The following FNTB variants were observed in gnomAD, a reference collection of about 807,000 sequenced individuals.
FNTB encodes the protein farnesyltransferase, CAAX box, subunit beta, also known as protein farnesyltransferase subunit beta.
Under a neutral mutation model 59.4 loss-of-function variants are expected in FNTB, and 27 were observed. The ratio of observed to expected loss-of-function variants is 0.45; its 90% confidence interval spans 0.34 to 0.63. The LOEUF is 0.63. Among genes scored for constraint, FNTB ranks in the 20% least tolerant of loss-of-function variants. The pLI is 0.02. For synonymous variants in FNTB, 230 were observed against 220.7 expected (o/e 1.04, Z -0.37); for missense variants, 449 against 559.6 (o/e 0.80, Z 1.99).
In FNTB at chr14:65,009,870, G is replaced by A. The variant is rs1002943934; in HGVS notation, c.210-2447G>A. ...GCTGATCACAGCGTTTATTGGACAG[G>A]GCTCTGCTTGTCATTTTCACATGTG... On this transcript the variant is annotated intron_variant, in intron 2 of 11. Coordinates refer to ENST00000246166, the MANE Select transcript of FNTB (RefSeq NM_002028.4). This position sits in a 1 kb window ranked among gnomAD's most constrained non-coding sequence, Gnocchi z 4.2. Among the ~76,000 whole-genome samples the A allele has an allele frequency of 3.9e-5, 6 of 152,070 alleles. 1 individual carries two copies. Among genetic ancestry groups the A allele is most frequent in the Admixed American group, 3.3e-4 (5 of 15,252 alleles).
At chr14:65,037,402 CCTTTTTTTTTTTTTTTTTTTTT>C (rs538403751) in intron 7 of FNTB, among the ~76,000 whole-genome samples, 334 of 14,510 alleles carry the variant, frequency 0.023, 58 homozygotes, top group East Asian at 0.2. Context: ...CACGCCGGGC[CCTTTTTTTTTTTTTTTTTTTTT>C]TTTTTTTTTT....
rs1040672120 is a variant in FNTB, at chr14:65,001,710, T to C, written c.145-2539T>C. Among the ~76,000 whole-genome samples the C allele has an allele frequency of 7.2e-5, 11 of 152,350 alleles. No individual in the cohort carries two copies. The highest frequency in any genetic ancestry group is 6.5e-4 in the Admixed American group (10 of 15,298). The stretch of plus-strand genomic sequence containing the variant: ...ATTTAATGATCTTACCAATTTCTTA[T>C]ATATTTTTCTATCCCATTCAGCTTA... On this transcript the variant is annotated intron_variant, in intron 1 of 11. Transcript: ENST00000246166. This position sits in a 1 kb window ranked among gnomAD's most constrained non-coding sequence, Gnocchi z 5.5.
chr14:65,010,807 C>T lies in FNTB; in HGVS notation c.210-1510C>T, dbSNP rs118148980. ...TCCTGCTTTCCTCCCATTCCTCTTT[C>T]ATCCCTGTATTGAGGTCAGATTCTC... On this transcript the variant is annotated intron_variant, in intron 2 of 11. Coordinates refer to ENST00000246166, the MANE Select transcript of FNTB (RefSeq NM_002028.4). Among the ~76,000 whole-genome samples, 1,396 of 152,288 alleles carry T rather than the reference C, an allele frequency of 9.2e-3. 23 individuals carry two copies. The highest frequency in any genetic ancestry group is 0.02 in the Middle Eastern group (6 of 294).
In FNTB at chr14:65,032,806, C is replaced by T; in HGVS notation, c.692+110C>T. On this transcript the variant is annotated intron_variant, in intron 7 of 11. Coordinates refer to ENST00000246166, the MANE Select transcript of FNTB (RefSeq NM_002028.4). The surrounding 1 kb of genome is among the most constrained non-coding windows in gnomAD (Gnocchi z 5.0). ...GACTTGGAAGGAAATACAAAAATCA[C>T]AGGAGATCCATTAGGGTTATCTAAT... 2 of 1,027,040 alleles carry T rather than the reference C, an allele frequency of 1.9e-6. No homozygotes were observed. Among genetic ancestry groups the T allele is most frequent in the Non-Finnish European group, 2.8e-6 (2 of 727,266 alleles). 63.6% of individuals were successfully genotyped at this position (1,027,040 alleles called of 1,614,324 possible).
chr14:65,012,160 CT>C lies in FNTB; in HGVS notation c.210-156del. Reference sequence around the variant, plus strand: ...GAGCTTCTTTTCTCTGGTTTAGTTGCTCTTTGGAACCAGAGAAGTTGCTGGT... The same window carrying C: ...GAGCTTCTTTTCTCTGGTTTAGTTGCCTTTGGAACCAGAGAAGTTGCTGGT... On this transcript the variant is annotated intron_variant, in intron 2 of 11. Coordinates refer to ENST00000246166, the MANE Select transcript of FNTB (RefSeq NM_002028.4). The surrounding 1 kb of genome is among the most constrained non-coding windows in gnomAD (Gnocchi z 5.0). 1.3e-6 allele frequency: 1 copy of C among 776,632 alleles called. No homozygotes were observed. Among genetic ancestry groups the C allele is most frequent in the Non-Finnish European group, 2.1e-6 (1 of 486,878 alleles). The allele number at this position is 776,632 out of a possible 1,614,324, so 48.1% of individuals were successfully genotyped here. A position where few individuals can be genotyped will look rare whatever the true frequency, so the allele number is the denominator to read the frequency against.
chr14:65,050,107 A>C (rs2062574229), intron 9 of FNTB, among the ~76,000 whole-genome samples: 1 of 152,224 alleles, frequency 6.6e-6, no homozygotes, highest in Non-Finnish European at 1.5e-5. Context: ...AGTATAAGAA[A>C]AAGCTAGATT....
At chr14:64,987,135 T>C in intron 1 of FNTB, 38 bp downstream of exon 1, 20 of 1,612,520 alleles carry the variant, frequency 1.2e-5, no homozygotes, top group Non-Finnish European at 1.6e-5. Flanking sequence ...CCGCGCGATG[T>C]GTTCTGGGAG....
At chr14:65,015,860 A>G (rs548831190) in intron 4 of FNTB, 144 bp downstream of exon 4, 3 of 798,198 alleles carry the variant, frequency 3.8e-6, no homozygotes, top group African/African-American at 3.5e-5. Flanking sequence ...ACCTCCGGCA[A>G]CTTCCTGAAA....
rs1046124031 is a variant in FNTB at position 65,017,664 on chromosome 14, T to A, written c.374+1948T>A. The stretch of plus-strand genomic sequence containing the variant: ...GAGAATGTTTAAAAAAAATTTTTTT[T>A]AAATGTAAAGCTGGGTGTGGTGGCT... On this transcript the variant is annotated intron_variant, in intron 4 of 11. Transcript: ENST00000246166. Among the ~76,000 whole-genome samples the A allele has an allele frequency of 2.3e-4, 35 of 152,170 alleles. 1 individual carries two copies. The highest frequency in any genetic ancestry group is 2.1e-3 in the Admixed American group (32 of 15,262).
At chr14:65,053,625 T>TAAAAAAAAAAAAAA (rs201558638) in intron 10 of FNTB, among the ~76,000 whole-genome samples, 2 of 146,244 alleles carry the variant, frequency 1.4e-5, no homozygotes, top group Admixed American at 6.7e-5. Flanking sequence ...CTTCTTTTTT[T>TAAAAAAAAAAAAAA]TAAAAAAAAC....
rs1229025809 is a variant in FNTB at position 65,005,463 on chromosome 14, TTC to T, written c.209+1152_209+1153del. ...CTCTTCCTTTCTTTTCTTTCTTTCT[TTC>T]TTTCTTTCTTTCTTTCTTTCTTTCT... On this transcript the variant is annotated intron_variant, in intron 2 of 11. Transcript: ENST00000246166. Among the ~76,000 whole-genome samples, 186 of 127,344 alleles carry T rather than the reference TTC, an allele frequency of 1.5e-3. 1 individual carries two copies. Among genetic ancestry groups the T allele is most frequent in the Middle Eastern group, 7.1e-3 (2 of 280 alleles). 83.5% of individuals were successfully genotyped at this position (127,344 alleles called of 152,430 possible).
chr14:65,043,459 C>G lies in FNTB; in HGVS notation c.823-852C>G, dbSNP rs370162804. The stretch of plus-strand genomic sequence containing the variant: ...TGCTTTCAGGCCTGCTAGTGACTTG[C>G]TAAGAGACCTTGGGTAAATTTCCCC... On this transcript the variant is annotated intron_variant, in intron 8 of 11. Transcript: ENST00000246166. Among the ~76,000 whole-genome samples the G allele has an allele frequency of 2.4e-3, 365 of 152,246 alleles. 1 individual carries two copies. Among genetic ancestry groups the G allele is most frequent in the African/African-American group, 8.4e-3 (348 of 41,544 alleles).
At chr14:65,050,472 T>G (rs2062581851) in intron 9 of FNTB, among the ~76,000 whole-genome samples, 1 of 152,048 alleles carries the variant, frequency 6.6e-6, no homozygotes, top group African/African-American at 2.4e-5. Context: ...GTACCTGTAA[T>G]CCAAGGTACT....
At chr14:65,051,775 T>G (rs747102006) in intron 9 of FNTB, among the ~76,000 whole-genome samples, 5 of 151,968 alleles carry the variant, frequency 3.3e-5, no homozygotes, top group Non-Finnish European at 5.9e-5. Context: ...TACCATAAAC[T>G]TTTATAATTT....
rs1336681104 is a variant in FNTB, at chr14:65,014,911, A to G, written c.283-714A>G. ...GATACTATCAAATATTTGTTGAATC[A>G]GTGATTGAGTTAAGCTAGGAAATCT... On this transcript the variant is annotated intron_variant, in intron 3 of 11. Coordinates refer to ENST00000246166, the MANE Select transcript of FNTB (RefSeq NM_002028.4). This position sits in a 1 kb window ranked among gnomAD's most constrained non-coding sequence, Gnocchi z 5.1. 2.0e-5 allele frequency among the ~76,000 whole-genome samples: 3 copies of G among 152,098 alleles called. No individual in the cohort carries two copies. The highest frequency in any genetic ancestry group is 4.4e-5 in the Non-Finnish European group (3 of 67,998).
intron 8 of FNTB, among the ~76,000 whole-genome samples, chr14:65,042,800 C>T (rs1595079438): frequency 6.6e-6 from 1 of 152,190 alleles, no homozygotes; most frequent in Admixed American, 6.5e-5. Flanking sequence ...AATGAGGAAC[C>T]GACTCCCACT....
rs200225795 is a variant in FNTB at position 64,986,962 on chromosome 14, T to C, written c.9T>C (p.Ser3=). The C allele has an allele frequency of 2.5e-6, 4 of 1,614,126 alleles. No homozygotes were observed. The highest frequency in any genetic ancestry group is 3.4e-6 in the Non-Finnish European group (4 of 1,180,044). ...CTGCTGCTCTCCTGATCATGGCTTC[T>C]CCGAGTTCTTTCACCTACTATTGCC... MA[S]PSSFTYYCPP... The change falls in exon 1 of 12, where the codon TCT becomes TCC. Residue 3 remains serine, a synonymous_variant. Coordinates refer to ENST00000246166, the MANE Select transcript of FNTB (RefSeq NM_002028.4).
rs71123901 is a variant in FNTB, at chr14:65,020,733, C to CTTT, written c.374+5031_374+5033dup. On this transcript the variant is annotated intron_variant, in intron 4 of 11. Coordinates refer to ENST00000246166, the MANE Select transcript of FNTB (RefSeq NM_002028.4). ...ACAGGCATGAGCCACCGCGCCCGGC[C>CTTT]TTTTTTTTTTTTTTTTGAGACGGAG... Among the ~76,000 whole-genome samples, 199 of 123,330 alleles carry CTTT rather than the reference C, an allele frequency of 1.6e-3. 6 individuals carry two copies. The South Asian group carries it at 0.023, about 14-fold the overall frequency. The allele number at this position is 123,330 out of a possible 152,430, so 80.9% of individuals were successfully genotyped here.
rs182690251 is a variant in FNTB at position 65,062,544 on chromosome 14, A to G, written c.*1232A>G. ...GCAGACAGGAGCTCAGAGATGCAGCATGAGGCGCTTAGAAAAACCTGGCCA... is the reference window on the plus strand; with the variant it reads ...GCAGACAGGAGCTCAGAGATGCAGCGTGAGGCGCTTAGAAAAACCTGGCCA... On this transcript the variant is annotated 3_prime_UTR_variant, in exon 12 of 12. Coordinates refer to ENST00000246166, the MANE Select transcript of FNTB (RefSeq NM_002028.4). This position sits in a 1 kb window ranked among gnomAD's most constrained non-coding sequence, Gnocchi z 4.3. 59 of 152,826 alleles carry G rather than the reference A, an allele frequency of 3.9e-4. No individual in the cohort carries two copies. Among genetic ancestry groups the G allele is most frequent in the African/African-American group, 1.4e-3 (57 of 41,598 alleles). The allele number at this position is 152,826 out of a possible 1,614,324, so 9.5% of individuals were successfully genotyped here.
Sources: allele counts gnomAD v4.1 joint callset (sites outside exome capture counted in the v4.1 genomes callset), GRCh38; gene constraint gnomAD v4.1.1; non-coding constraint Gnocchi (gnomAD v3.1); transcripts MANE v1.5; gene names NCBI Gene and HGNC (gene_info 2026-07-23, HGNC 2026-07-21).